The following FHAD1 variants were observed in gnomAD, a reference collection of about 807,000 sequenced individuals.
FHAD1 encodes forkhead associated phosphopeptide binding domain 1.
FHAD1 carries 146 observed loss-of-function variants against 191.3 expected under a neutral mutation model. That is an observed-to-expected ratio of 0.76 (90% CI 0.67 to 0.88). FHAD1 has a LOEUF of 0.88. Ranked by LOEUF, FHAD1 falls within the 40% of genes least tolerant of loss-of-function variation. The pLI is 0.00. For synonymous variants in FHAD1, 616 were observed against 672.3 expected (o/e 0.92, Z 1.29); for missense variants, 1,635 against 1,785.8 (o/e 0.92, Z 1.52).
intron 5 of FHAD1, 36 bp from the exon 6 acceptor site, chr1:15,301,169 C>T: frequency 1.3e-6 from 2 of 1,527,166 alleles, no homozygotes; most frequent in Non-Finnish European, 1.8e-6. Context: ...CACCTAGGCC[C>T]ACACCTAGTA....
chr1:15,251,954 G>A (rs1646828861), intron 2 of FHAD1, 77 bp downstream of exon 2: 5 of 1,193,256 alleles, frequency 4.2e-6, no homozygotes, highest in Non-Finnish European at 5.9e-6. Context: ...TTAGCGTTAT[G>A]TGGACTCCAG....
intron 26 of FHAD1, among the ~76,000 whole-genome samples, chr1:15,373,171 A>C (rs1231438635): frequency 1.3e-5 from 2 of 152,288 alleles, no homozygotes; most frequent in Non-Finnish European, 2.9e-5. Flanking sequence ...TGGAGGAAAA[A>C]ACCCTGCATG....
At chr1:15,295,197 A>C (rs7537353) in intron 4 of FHAD1, among the ~76,000 whole-genome samples, 2,982 of 152,334 alleles carry the variant, frequency 0.02, 102 homozygotes, top group African/African-American at 0.067. Context: ...ACCTTCAGCA[A>C]GTACTTGACA....
chr1:15,375,980 G>C (rs548843256), intron 28 of FHAD1, among the ~76,000 whole-genome samples: 7 of 151,904 alleles, frequency 4.6e-5, no homozygotes, highest in African/African-American at 1.7e-4. Context: ...CTGAAGCATG[G>C]CGGGCCCCCT....
At chr1:15,394,084 T>C (rs1366281664) in intron 33 of FHAD1, among the ~76,000 whole-genome samples, 1 of 152,206 alleles carries the variant, frequency 6.6e-6, no homozygotes, top group Non-Finnish European at 1.5e-5. Flanking sequence ...CTTTTCATTC[T>C]AAGGGTGAGG....
chr1:15,324,630 G>A (rs1309210079), intron 11 of FHAD1, 71 bp downstream of exon 11: 9 of 1,130,062 alleles, frequency 8.0e-6, no homozygotes, highest in Non-Finnish European at 2.6e-6. Context: ...GCCAGTGGGG[G>A]TGAGAGAGGA....
At chr1:15,308,766 G>A in intron 7 of FHAD1, 30 bp downstream of exon 7, 1 of 1,551,044 alleles carries the variant, frequency 6.4e-7, no homozygotes, top group Non-Finnish European at 8.7e-7. Flanking sequence ...CCTGGGAGCT[G>A]CCACTCCCGC....
chr1:15,340,715 C>T (rs1406887167), intron 15 of FHAD1, among the ~76,000 whole-genome samples: 1 of 152,102 alleles, frequency 6.6e-6, no homozygotes, highest in Non-Finnish European at 1.5e-5. Context: ...TGCCAATCAG[C>T]CACAGAGGCT....
intron 3 of FHAD1, among the ~76,000 whole-genome samples, chr1:15,275,252 G>A (rs1452637984): frequency 6.6e-5 from 10 of 152,184 alleles, no homozygotes; most frequent in South Asian, 4.2e-4. Flanking sequence ...GTGAGCCACC[G>A]CGCCTGGCCA....
At chr1:15,387,593 C>CA (rs996869457) in intron 31 of FHAD1, among the ~76,000 whole-genome samples, 7 of 151,980 alleles carry the variant, frequency 4.6e-5, no homozygotes, top group Admixed American at 2.6e-4. Flanking sequence ...CTACAAAAAA[C>CA]AAAAAAATTA....
chr1:15,267,778 A>C (rs1473967384), intron 2 of FHAD1, among the ~76,000 whole-genome samples: 1 of 141,170 alleles, frequency 7.1e-6, no homozygotes, highest in East Asian at 1.9e-4. Context: ...TATAAATAAT[A>C]TATAAAATAA....
Position 15,276,662 on chromosome 1 carries a change from C to T in FHAD1, c.300+4133C>T, listed in dbSNP as rs1432216813. On this transcript the variant is annotated intron_variant, in intron 3 of 33. Coordinates refer to ENST00000688493, the MANE Select transcript of FHAD1 (RefSeq NM_001391957.1). The surrounding 1 kb of genome is among the most constrained non-coding windows in gnomAD (Gnocchi z 4.7). ...CCCAAAACACAAAAAATTAGCCAGG[C>T]GTGGTGGCACATACCTATAGTCCCA... Among the ~76,000 whole-genome samples, 2 of 152,022 alleles carry T rather than the reference C, an allele frequency of 1.3e-5. No homozygotes were observed. Among genetic ancestry groups the T allele is most frequent in the African/African-American group, 2.4e-5 (1 of 41,380 alleles).
At chr1:15,372,717 G>A (rs1426270760) in intron 26 of FHAD1, among the ~76,000 whole-genome samples, 2 of 152,128 alleles carry the variant, frequency 1.3e-5, no homozygotes, top group Non-Finnish European at 2.9e-5. Flanking sequence ...TGCATGAAAT[G>A]AACCAAAACT....
At chr1:15,331,038 G>T (rs906316376) in intron 14 of FHAD1, among the ~76,000 whole-genome samples, 2 of 152,146 alleles carry the variant, frequency 1.3e-5, no homozygotes, top group Admixed American at 6.5e-5. Flanking sequence ...GGCCTCAGTG[G>T]TAGGACTGGA....
At chr1:15,304,414 A>G (rs1231246373) in intron 6 of FHAD1, among the ~76,000 whole-genome samples, 1 of 152,210 alleles carries the variant, frequency 6.6e-6, no homozygotes, top group East Asian at 1.9e-4. Context: ...GAGTTTTCCC[A>G]CAGTCTGATA....
intron 2 of FHAD1, among the ~76,000 whole-genome samples, chr1:15,264,440 T>C (rs1652518364): frequency 1.3e-5 from 2 of 152,136 alleles, no homozygotes; most frequent in South Asian, 4.1e-4. Context: ...AGCTTGTTTA[T>C]TGTTAGTGTA....
intron 2 of FHAD1, among the ~76,000 whole-genome samples, chr1:15,268,584 A>G (rs1007555738): frequency 5.7e-5 from 8 of 141,514 alleles, no homozygotes; most frequent in Non-Finnish European, 1.1e-4. Flanking sequence ...GACTTCCACA[A>G]TGGTTGAACT....
chr1:15,309,499 T>C (rs1158958388), intron 7 of FHAD1, among the ~76,000 whole-genome samples: 3 of 152,010 alleles, frequency 2.0e-5, no homozygotes, highest in African/African-American at 4.8e-5. Context: ...CCAGAGGAAA[T>C]AAAGCTGGAC....
At chr1:15,299,199 C>CAAAAA (rs35299485) in intron 5 of FHAD1, among the ~76,000 whole-genome samples, 1,036 of 46,160 alleles carry the variant, frequency 0.022, 78 homozygotes, top group African/African-American at 0.073. Context: ...GACCCTGTCT[C>CAAAAA]AAAAAAAAAA....
Sources: allele counts gnomAD v4.1 joint callset (sites outside exome capture counted in the v4.1 genomes callset), GRCh38; gene constraint gnomAD v4.1.1; non-coding constraint Gnocchi (gnomAD v3.1); transcripts MANE v1.5; gene names NCBI Gene and HGNC (gene_info 2026-07-23, HGNC 2026-07-21).